Variants in GALNTL6 observed in about 807,000 individuals in gnomAD.
The protein encoded by GALNTL6 is polypeptide N-acetylgalactosaminyltransferase like 6, also known as polypeptide N-acetylgalactosaminyltransferase-like 6.
A neutral mutation model predicts 73.7 loss-of-function variants in GALNTL6; 46 were observed. The ratio of observed to expected loss-of-function variants is 0.62; its 90% confidence interval spans 0.49 to 0.80. The LOEUF (loss-of-function observed/expected upper bound fraction) is 0.80, where lower values mean the gene tolerates loss of function less well. GALNTL6 is among the 30% of genes least tolerant of loss of function. The pLI is 0.00. For synonymous variants in GALNTL6, 259 were observed against 263.7 expected, an observed-to-expected ratio of 0.98 and a Z score of 0.17; for missense variants, 604 against 755.0, an observed-to-expected ratio of 0.80 and a Z score of 2.34.
chr4:172,072,460 A>G (rs1731572973), intron 2 of GALNTL6, among the ~76,000 whole-genome samples: 1 of 151,034 alleles, frequency 6.6e-6, no homozygotes, highest in South Asian at 2.1e-4. Flanking sequence ...ACAGCTTCAA[A>G]TAACGCCTCA....
chr4:172,224,228 A>G (rs185080038), intron 2 of GALNTL6, among the ~76,000 whole-genome samples: 1 of 152,298 alleles, frequency 6.6e-6, no homozygotes, highest in East Asian at 1.9e-4. Flanking sequence ...AGCCTTGTAA[A>G]GTGGGTAAGG....
At chr4:172,711,302 G>A (rs967218112) in intron 5 of GALNTL6, among the ~76,000 whole-genome samples, 1 of 152,124 alleles carries the variant, frequency 6.6e-6, no homozygotes, top group African/African-American at 2.4e-5. Context: ...TTTCTGATGG[G>A]TTCTGTAAAC....
At chr4:172,839,828 GA>G (rs1436104370) in intron 7 of GALNTL6, among the ~76,000 whole-genome samples, 1 of 152,140 alleles carries the variant, frequency 6.6e-6, no homozygotes, top group Admixed American at 6.5e-5. Context: ...AAACAGGAAG[GA>G]TCTTGGCAAG....
At chr4:172,950,273 T>C (rs1749379005) in intron 9 of GALNTL6, among the ~76,000 whole-genome samples, 1 of 152,226 alleles carries the variant, frequency 6.6e-6, no homozygotes. Context: ...CAGGCAATGC[T>C]GACGGGATGG....
chr4:172,537,589 G>A (rs412041), intron 5 of GALNTL6, among the ~76,000 whole-genome samples: 16,208 of 152,110 alleles, frequency 0.11, 991 homozygotes, highest in East Asian at 0.23. Context: ...TCTTGGGTGT[G>A]TCCTTATAGC....
At chr4:172,709,552 A>C (rs1373725726) in intron 5 of GALNTL6, among the ~76,000 whole-genome samples, 1 of 152,180 alleles carries the variant, frequency 6.6e-6, no homozygotes, top group Non-Finnish European at 1.5e-5. Flanking sequence ...GACTGTCAGC[A>C]GGTGAGCTTT....
chr4:172,230,428 A>T (rs28541783), intron 3 of GALNTL6, among the ~76,000 whole-genome samples: 2,177 of 152,126 alleles, frequency 0.014, 56 homozygotes, highest in African/African-American at 0.05. Flanking sequence ...TCTACTAAAA[A>T]TACAAAAAAT....
intron 2 of GALNTL6, among the ~76,000 whole-genome samples, chr4:172,144,926 G>A (rs150147143): frequency 1.3e-3 from 197 of 152,026 alleles, no homozygotes; most frequent in East Asian, 8.7e-3. Flanking sequence ...TATTCTATAT[G>A]GCATTTCTTT....
intron 5 of GALNTL6, among the ~76,000 whole-genome samples, chr4:172,445,632 T>C (rs971870374): frequency 9.2e-5 from 14 of 152,170 alleles, no homozygotes; most frequent in Non-Finnish European, 1.8e-4. Flanking sequence ...ATTAAGTAAA[T>C]GCCTTTCTTT....
At chr4:172,170,551 C>A (rs1159090063) in intron 2 of GALNTL6, among the ~76,000 whole-genome samples, 1 of 149,082 alleles carries the variant, frequency 6.7e-6, no homozygotes, top group Admixed American at 6.7e-5. Context: ...GCTCTGTCAC[C>A]CAGTCTAGAG....
At chr4:172,993,544 C>T (rs1751633887) in intron 10 of GALNTL6, among the ~76,000 whole-genome samples, 1 of 152,198 alleles carries the variant, frequency 6.6e-6, no homozygotes, top group Non-Finnish European at 1.5e-5. Context: ...AAGAAATAGA[C>T]CCCACTCAGC....
intron 3 of GALNTL6, among the ~76,000 whole-genome samples, chr4:172,286,138 C>T (rs184018125): frequency 5.8e-4 from 88 of 152,158 alleles, no homozygotes; most frequent in African/African-American, 2.0e-3. Flanking sequence ...GATTATTGTA[C>T]GTAGTATTAT....
intron 3 of GALNTL6, among the ~76,000 whole-genome samples, chr4:172,284,562 A>G (rs1739182718): frequency 7.0e-6 from 1 of 142,552 alleles, no homozygotes; most frequent in Non-Finnish European, 1.5e-5. Flanking sequence ...CTTTGCCTGG[A>G]CTATTGAGTC....
chr4:172,401,220 T>C (rs567425948), intron 5 of GALNTL6, among the ~76,000 whole-genome samples: 2 of 152,070 alleles, frequency 1.3e-5, no homozygotes, highest in African/African-American at 2.4e-5. Context: ...ACATACCCAA[T>C]TGGTTTAGAA....
chr4:172,856,761 AGT>A (rs1252439488), intron 7 of GALNTL6, among the ~76,000 whole-genome samples: 1 of 152,208 alleles, frequency 6.6e-6, no homozygotes, highest in Non-Finnish European at 1.5e-5. Context: ...AGGGGATTTC[AGT>A]GTTTCTTTGT....
At chr4:171,979,771 G>A (rs1041357313) in intron 2 of GALNTL6, among the ~76,000 whole-genome samples, 1 of 152,158 alleles carries the variant, frequency 6.6e-6, no homozygotes, top group Admixed American at 6.5e-5. Context: ...GCCAGGTTCC[G>A]AGCCAAGCTT....
At chr4:172,440,929 G>C (rs1731814900) in intron 5 of GALNTL6, among the ~76,000 whole-genome samples, 1 of 151,698 alleles carries the variant, frequency 6.6e-6, no homozygotes, top group Non-Finnish European at 1.5e-5. Context: ...AATTCATTAA[G>C]TTTTATCTTT....
chr4:172,087,450 A>AAAAAAAAAC (rs1385384527), intron 2 of GALNTL6, among the ~76,000 whole-genome samples: 2 of 147,790 alleles, frequency 1.4e-5, no homozygotes, highest in Non-Finnish European at 1.5e-5. Flanking sequence ...ATCCCAAAAA[A>AAAAAAAAAC]AAAAAAAACA....
chr4:171,928,724 GCA>G (rs1738071051), intron 2 of GALNTL6, among the ~76,000 whole-genome samples: 1 of 152,112 alleles, frequency 6.6e-6, no homozygotes, highest in Non-Finnish European at 1.5e-5. Context: ...GTTTAGACAG[GCA>G]AATAGCACTG....
Sources: gnomAD v4.1 joint callset for allele counts (sites outside exome capture counted in the v4.1 genomes callset) on GRCh38, gnomAD v4.1.1 for gene constraint, MANE v1.5 for transcripts, NCBI Gene and HGNC (gene_info 2026-07-23, HGNC 2026-07-21) for gene names.